Variants in KHDRBS2 observed in about 807,000 individuals in gnomAD.
KHDRBS2 encodes the protein KH domain-containing, RNA-binding, signal transduction-associated protein 2.
KHDRBS2 carries 26 observed loss-of-function variants against 44.3 expected under a neutral mutation model. That is an observed-to-expected ratio of 0.59 (90% CI 0.43 to 0.81). KHDRBS2 has a LOEUF of 0.81. KHDRBS2 is among the 40% of genes least tolerant of loss of function. The probability of loss-of-function intolerance (pLI) is 0.00; values close to 1 mark genes in which losing one functional copy is unlikely to be tolerated. For missense variants in KHDRBS2, 476 were observed against 433.1 expected (o/e 1.10, Z -0.88); for synonymous variants, 194 against 151.1 (o/e 1.28, Z -2.08).
chr6:61,545,798 C>G, the KHDRBS2 span, among the ~76,000 whole-genome samples: 11 of 151,986 alleles, frequency 7.2e-5, no homozygotes, highest in South Asian at 2.3e-3. Flanking sequence ...GGTGGTAGGT[C>G]TGATGGGATT....
chr6:61,671,594 T>C, the KHDRBS2 span, among the ~76,000 whole-genome samples: 1 of 151,746 alleles, frequency 6.6e-6, no homozygotes, highest in African/African-American at 2.4e-5. Context: ...AAACTAATTT[T>C]AATGATGGAT....
intron 2 of KHDRBS2, among the ~76,000 whole-genome samples, chr6:62,152,480 T>C (rs973125343): frequency 5.3e-5 from 8 of 152,208 alleles, no homozygotes; most frequent in Admixed American, 6.5e-5. Context: ...ATAATCTCGT[T>C]TTAGAGAAGG....
chr6:61,712,618 A>G (rs989712383), intron 7 of KHDRBS2, among the ~76,000 whole-genome samples: 14 of 151,916 alleles, frequency 9.2e-5, no homozygotes, highest in Admixed American at 3.3e-4. Context: ...TTATTAAGCT[A>G]TAAAGTCCTG....
intron 3 of KHDRBS2, among the ~76,000 whole-genome samples, chr6:61,990,856 C>T (rs1350093386): frequency 4.6e-5 from 7 of 152,016 alleles, no homozygotes; most frequent in Middle Eastern, 3.2e-3. Context: ...ACTACAGGCA[C>T]GCACCACCAT....
At chr6:61,802,003 A>C (rs1457931182) in intron 6 of KHDRBS2, among the ~76,000 whole-genome samples, 1 of 152,182 alleles carries the variant, frequency 6.6e-6, no homozygotes, top group Admixed American at 6.6e-5. Flanking sequence ...CATGGGAAGG[A>C]TCAATGCATT....
chr6:61,848,589 A>G lies in KHDRBS2; in HGVS notation c.810+46046T>C, dbSNP rs1451571962. On this transcript the variant is annotated intron_variant, in intron 6 of 8. Coordinates refer to ENST00000281156, the MANE Select transcript of KHDRBS2 (RefSeq NM_152688.4). ...TATATATATATACATATATATATAT[A>G]TATACTTTTTTTTAACTCGATTCCA... Among the ~76,000 whole-genome samples, 5 of 108,996 alleles carry G rather than the reference A, an allele frequency of 4.6e-5. 2 individuals are homozygous for G. Among genetic ancestry groups the G allele is most frequent in the African/African-American group, 1.7e-4 (5 of 29,168 alleles). The allele number at this position is 108,996 out of a possible 152,430, so 71.5% of individuals were successfully genotyped here. A position where few individuals can be genotyped will look rare whatever the true frequency, so the allele number is the denominator to read the frequency against.
chr6:61,758,283 T>C (rs182517951), intron 6 of KHDRBS2, among the ~76,000 whole-genome samples: 32 of 152,260 alleles, frequency 2.1e-4, no homozygotes, highest in African/African-American at 6.3e-4. Flanking sequence ...ATATATTTTG[T>C]ATGTTTTTTG....
chr6:61,836,885 G>A lies in KHDRBS2; in HGVS notation c.810+57750C>T, dbSNP rs557355226. Among the ~76,000 whole-genome samples, 6 of 152,100 alleles carry A rather than the reference G, an allele frequency of 3.9e-5. No individual in the cohort carries two copies. The South Asian group carries it at 1.0e-3, about 26-fold the overall frequency. On this transcript the variant is annotated intron_variant, in intron 6 of 8. Coordinates refer to ENST00000281156, the MANE Select transcript of KHDRBS2 (RefSeq NM_152688.4). ...TAGTTGGTGTTGACAAGAGGCTTAC[G>A]ATTCTATCATATTATGCAGATAGAA...
At chr6:61,981,728 AG>A (rs1350048356) in intron 3 of KHDRBS2, among the ~76,000 whole-genome samples, 1 of 152,194 alleles carries the variant, frequency 6.6e-6, no homozygotes, top group Non-Finnish European at 1.5e-5. Context: ...AAAATCTCTA[AG>A]GATTCATGTT....
chr6:62,204,800 A>G (rs1229683746), intron 1 of KHDRBS2, among the ~76,000 whole-genome samples: 2 of 152,134 alleles, frequency 1.3e-5, no homozygotes, highest in Non-Finnish European at 2.9e-5. Context: ...GAATCAGCAT[A>G]TACAAAAAGT....
At chr6:61,800,895 G>A (rs1786149152) in intron 6 of KHDRBS2, among the ~76,000 whole-genome samples, 1 of 152,028 alleles carries the variant, frequency 6.6e-6, no homozygotes, top group African/African-American at 2.4e-5. Flanking sequence ...TCCTAATGTG[G>A]ACTGCTTTCA....
chr6:61,826,253 G>T (rs1251562630), intron 6 of KHDRBS2, among the ~76,000 whole-genome samples: 1 of 152,016 alleles, frequency 6.6e-6, no homozygotes, highest in Non-Finnish European at 1.5e-5. Flanking sequence ...TCTCTAGACT[G>T]CTCTGTTAAG....
chr6:61,672,710 A>C, the KHDRBS2 span, among the ~76,000 whole-genome samples: 2 of 151,360 alleles, frequency 1.3e-5, no homozygotes, highest in Non-Finnish European at 2.9e-5. Context: ...TTTTTCTTGT[A>C]AATTTGTTTG....
chr6:62,076,424 T>C (rs1796347555), intron 2 of KHDRBS2, among the ~76,000 whole-genome samples: 2 of 151,964 alleles, frequency 1.3e-5, no homozygotes, highest in African/African-American at 4.8e-5. Flanking sequence ...GGGAATTAGG[T>C]AGATGTTCAT....
chr6:62,049,089 G>A (rs1369812981), intron 2 of KHDRBS2, among the ~76,000 whole-genome samples: 3 of 151,698 alleles, frequency 2.0e-5, no homozygotes, highest in East Asian at 3.9e-4. Context: ...AAAGAAAGAT[G>A]TCTGCTCTTA....
At chr6:61,805,731 G>C (rs1787049020) in intron 6 of KHDRBS2, among the ~76,000 whole-genome samples, 1 of 152,104 alleles carries the variant, frequency 6.6e-6, no homozygotes, top group African/African-American at 2.4e-5. Context: ...AAAACCATCA[G>C]ATCTCAAGAG....
chr6:61,588,649 A>G, the KHDRBS2 span, among the ~76,000 whole-genome samples: 1 of 152,112 alleles, frequency 6.6e-6, no homozygotes, highest in Non-Finnish European at 1.5e-5. Flanking sequence ...TTAGCTGGAC[A>G]TACATGGTGG....
At chr6:62,241,722 CA>C (rs1259850195) in intron 1 of KHDRBS2, among the ~76,000 whole-genome samples, 1 of 148,262 alleles carries the variant, frequency 6.7e-6, no homozygotes, top group African/African-American at 2.6e-5. Context: ...GATAATAAAG[CA>C]GTTGGCATGA....
intron 6 of KHDRBS2, among the ~76,000 whole-genome samples, chr6:61,773,761 GT>G (rs1256933868): frequency 6.6e-6 from 1 of 151,658 alleles, no homozygotes; most frequent in Non-Finnish European, 1.5e-5. Flanking sequence ...TTCTTCTAGG[GT>G]TTTTATGGTT....
Sources: gnomAD v4.1 joint callset for allele counts (sites outside exome capture counted in the v4.1 genomes callset) on GRCh38, gnomAD v4.1.1 for gene constraint, MANE v1.5 for transcripts, NCBI Gene and HGNC (gene_info 2026-07-23, HGNC 2026-07-21) for gene names.